The following ANKRD30B variants were observed in gnomAD, a reference collection of about 807,000 sequenced individuals.
ANKRD30B encodes ankyrin repeat domain 30B, also known as ankyrin repeat domain-containing protein 30B.
ANKRD30B carries 144 observed loss-of-function variants against 202.2 expected under a neutral mutation model. The ratio of observed to expected loss-of-function variants is 0.71; its 90% CI spans 0.62 to 0.82. The LOEUF is 0.82. ANKRD30B is among the 40% of genes least tolerant of loss of function. The probability of loss-of-function intolerance (pLI) is 0.00; values close to 1 mark genes in which losing one functional copy is unlikely to be tolerated. For missense variants in ANKRD30B, 1,487 were observed against 1,669.1 expected, an observed-to-expected ratio of 0.89 and a Z score of 1.90; for synonymous variants, 508 against 561.3, an observed-to-expected ratio of 0.91 and a Z score of 1.34.
At chr18:14,909,722 T>C in the ANKRD30B span, among the ~76,000 whole-genome samples, 1 of 152,200 alleles carries the variant, frequency 6.6e-6, no homozygotes, top group Non-Finnish European at 1.5e-5. Flanking sequence ...GCACTATTTT[T>C]AATCACTATT....
intron 34 of ANKRD30B, among the ~76,000 whole-genome samples, chr18:14,832,058 T>G (rs1393180011): frequency 1.3e-5 from 2 of 152,154 alleles, no homozygotes; most frequent in African/African-American, 2.4e-5. Context: ...AACACCAAAA[T>G]AATATTAGAA....
Position 14,840,640 on chromosome 18 carries a change from A to T in ANKRD30B, c.3041A>T (p.Tyr1014Phe). 6.5e-7 allele frequency: 1 copy of T among 1,537,862 alleles called. No homozygotes were observed. ...QNYECLPEAT[Y>F]QKEIKTTNGK... is the part of the protein sequence containing the mutation. Reference sequence around the variant, plus strand: ...TATGAGTGTTTACCTGAGGCTACATATCAAAAAGAAATAAAGACAACAAAT... The same window carrying T: ...TATGAGTGTTTACCTGAGGCTACATTTCAAAAAGAAATAAAGACAACAAAT... Residue 1014 changes from tyrosine to phenylalanine, a missense_variant, in exon 37 of 44, where the codon TAT (tyrosine) becomes TTT (phenylalanine). Physicochemically the swap from Tyr to Phe is conservative, Grantham distance 22. Around this residue, in one of 6 missense-constraint regions of ANKRD30B, gnomAD observed 218 missense variants for 320.1 expected, o/e 0.68. Coordinates refer to ENST00000690538, the MANE Select transcript of ANKRD30B (RefSeq NM_001367607.2).
At chr18:14,820,217 C>G (rs1360933064) in intron 30 of ANKRD30B, among the ~76,000 whole-genome samples, 2 of 152,064 alleles carry the variant, frequency 1.3e-5, no homozygotes, top group Admixed American at 6.6e-5. Flanking sequence ...GATTTTGTAT[C>G]CTGAGACTTT....
At chr18:14,826,665 TCTCTCTCTCCCC>T (rs1970672313) in intron 32 of ANKRD30B, among the ~76,000 whole-genome samples, 1 of 134,070 alleles carries the variant, frequency 7.5e-6, no homozygotes, top group African/African-American at 3.0e-5. Flanking sequence ...TTTCTCTCTC[TCTCTCTCTCCCC>T]CTCTCTCTCT....
chr18:14,779,247 G>C (rs553358651), intron 10 of ANKRD30B, among the ~76,000 whole-genome samples: 1 of 152,138 alleles, frequency 6.6e-6, no homozygotes, highest in African/African-American at 2.4e-5. Context: ...TTAATTCCAT[G>C]AAATGTGGGA....
At chr18:14,788,175 A>T (rs747120063) in intron 15 of ANKRD30B, among the ~76,000 whole-genome samples, 1 of 152,214 alleles carries the variant, frequency 6.6e-6, no homozygotes, top group Non-Finnish European at 1.5e-5. Flanking sequence ...TGTCATGGCA[A>T]GTAGAAAATG....
chr18:14,877,973 C>T, the ANKRD30B span: 1 of 152,196 alleles, frequency 6.6e-6, no homozygotes, highest in Non-Finnish European at 1.5e-5. Flanking sequence ...CTCTCCCCTG[C>T]TACCCACCTG....
At chr18:14,875,376 C>T in the ANKRD30B span, among the ~76,000 whole-genome samples, 121 of 152,298 alleles carry the variant, frequency 7.9e-4, no homozygotes, top group Middle Eastern at 3.4e-3. Flanking sequence ...GATGCCCCTG[C>T]CCAGGACCAC....
the ANKRD30B span, among the ~76,000 whole-genome samples, chr18:14,918,655 A>G: frequency 1.3e-5 from 2 of 152,196 alleles, no homozygotes; most frequent in Non-Finnish European, 2.9e-5. Flanking sequence ...CCCCTCATCA[A>G]GAAAAAAACT....
At chr18:14,750,268 A>C (rs747095436) in intron 1 of ANKRD30B, among the ~76,000 whole-genome samples, 2 of 152,134 alleles carry the variant, frequency 1.3e-5, no homozygotes, top group African/African-American at 4.8e-5. Context: ...AAAATTGGGC[A>C]ATTTAAGTTA....
In ANKRD30B at chr18:14,830,320, G is replaced by A. The variant is rs79556255; in HGVS notation, c.2775-1063G>A. The A allele has an allele frequency of 2.5e-3, 379 of 152,490 alleles. 4 individuals are homozygous for A. The highest frequency in any genetic ancestry group is 0.019 in the East Asian group (96 of 5,078). The allele number at this position is 152,490 out of a possible 1,614,324, so 9.4% of individuals were successfully genotyped here. On this transcript the variant is annotated intron_variant, in intron 33 of 43. Transcript: ENST00000690538. ...TCTCTCCTTGGGTATAAGTACCTAC[G>A]AAGATTTTTAAGGCTTTGCTAGTTT... is the stretch of plus-strand genomic sequence containing the variant.
At chr18:14,846,476 T>G (rs1971642934) in intron 39 of ANKRD30B, among the ~76,000 whole-genome samples, 1 of 151,800 alleles carries the variant, frequency 6.6e-6, no homozygotes, top group Non-Finnish European at 1.5e-5. Flanking sequence ...ACCATATTCT[T>G]GCTGATTTTC....
chr18:14,761,243 C>T (rs141983576), intron 6 of ANKRD30B, among the ~76,000 whole-genome samples: 2 of 152,212 alleles, frequency 1.3e-5, no homozygotes, highest in Non-Finnish European at 2.9e-5. Context: ...GAGACACATA[C>T]CCAGACACCC....
chr18:14,826,674 C>CT, intron 32 of ANKRD30B, among the ~76,000 whole-genome samples: 1 of 62,256 alleles, frequency 1.6e-5, no homozygotes. Flanking sequence ...CTCTCTCTCT[C>CT]CCCCTCTCTC....
intron 34 of ANKRD30B, among the ~76,000 whole-genome samples, chr18:14,835,062 T>A (rs1971113126): frequency 6.6e-6 from 1 of 151,876 alleles, no homozygotes; most frequent in Non-Finnish European, 1.5e-5. Context: ...CCTTGGTAGC[T>A]GTTTTGAATA....
chr18:14,806,891 G>A (rs1311133680), intron 24 of ANKRD30B, among the ~76,000 whole-genome samples: 5 of 150,654 alleles, frequency 3.3e-5, no homozygotes, highest in Admixed American at 1.3e-4. Flanking sequence ...TCCTATATAC[G>A]AATTTCTGAG....
chr18:14,878,633 G>C, the ANKRD30B span, among the ~76,000 whole-genome samples: 2 of 152,212 alleles, frequency 1.3e-5, no homozygotes, highest in Non-Finnish European at 2.9e-5. Context: ...CACACAGAAA[G>C]GGCAGCCGTT....
At chr18:14,777,906 G>A in intron 9 of ANKRD30B, 79 bp from the exon 10 acceptor site, 1 of 988,770 alleles carries the variant, frequency 1.0e-6, no homozygotes, top group South Asian at 1.5e-5. Context: ...TCACACCACT[G>A]AGCCACCCTG....
the ANKRD30B span, among the ~76,000 whole-genome samples, chr18:14,901,986 A>G: frequency 6.6e-6 from 1 of 152,320 alleles, no homozygotes; most frequent in South Asian, 2.1e-4. Context: ...ACAGTTCCAC[A>G]TGGCTGGAGA....
Sources: gnomAD v4.1 joint callset for allele counts (sites outside exome capture counted in the v4.1 genomes callset) on GRCh38, gnomAD v4.1.1 for gene constraint, gnomAD v4.1.1 regional missense constraint, MANE v1.5 for transcripts, NCBI Gene and HGNC (gene_info 2026-07-23, HGNC 2026-07-21) for gene names.